Variants in ROBO2 observed in about 807,000 individuals in gnomAD.
ROBO2 encodes roundabout homolog 2.
Under a neutral mutation model 160.8 loss-of-function variants are expected in ROBO2, and 53 were observed. The ratio of observed to expected loss-of-function variants is 0.33; its 90% CI spans 0.26 to 0.41. The LOEUF is 0.41. Ranked by LOEUF, ROBO2 falls within the 10% of genes least tolerant of loss-of-function variation. The pLI is 1.00. For synonymous variants in ROBO2, 664 were observed against 611.7 expected (o/e 1.09, Z -1.26); for missense variants, 1,577 against 1,722.4 (o/e 0.92, Z 1.49).
rs2059417510 is a variant in ROBO2, at chr3:76,968,486, TAGTTA to T, written c.110-129522_110-129518del. 3.9e-5 allele frequency among the ~76,000 whole-genome samples: 6 copies of T among 152,132 alleles called. No individual in the cohort carries two copies. The South Asian group carries it at 1.0e-3, about 26-fold the overall frequency. On this transcript the variant is annotated intron_variant, in intron 2 of 26. Coordinates refer to the ROBO2 transcript ENST00000487694. ...ATTAATATAACATGCATATAATCAA[TAGTTA>T]AGTTATTGTTTATCTTATTTTGTAA...
chr3:76,046,916 G>A (rs944248469), intron 2 of ROBO2, among the ~76,000 whole-genome samples: 8 of 152,036 alleles, frequency 5.3e-5, no homozygotes, highest in African/African-American at 1.4e-4. Context: ...TGCATGATTC[G>A]TCAAAGTATC....
intron 2 of ROBO2, among the ~76,000 whole-genome samples, chr3:76,776,855 T>A (rs1046649708): frequency 5.3e-5 from 8 of 151,032 alleles, no homozygotes; most frequent in African/African-American, 1.9e-4. Flanking sequence ...ATCATAAAAT[T>A]ATAATATGAA....
chr3:77,386,603 A>ATTTTTTTTGTTTTTTTTTTTTTT (rs2074126947), intron 2 of ROBO2, among the ~76,000 whole-genome samples: 1 of 91,896 alleles, frequency 1.1e-5, no homozygotes, highest in Non-Finnish European at 2.1e-5. Context: ...CAGCCAGGTA[A>ATTTTTTTTGTTTTTTTTTTTTTT]TTTTTTTTTT....
At chr3:77,248,970 C>G (rs867372453) in intron 2 of ROBO2, among the ~76,000 whole-genome samples, 1 of 152,042 alleles carries the variant, frequency 6.6e-6, no homozygotes, top group African/African-American at 2.4e-5. Context: ...CTCCACCGCC[C>G]GGGTTCAAGC....
chr3:75,948,780 CT>C (rs1367409437), intron 2 of ROBO2, among the ~76,000 whole-genome samples: 7 of 152,096 alleles, frequency 4.6e-5, no homozygotes, highest in African/African-American at 1.7e-4. Flanking sequence ...TATTTTATAT[CT>C]TATAATTTGA....
chr3:77,272,033 CAT>C (rs1250555798), intron 2 of ROBO2, among the ~76,000 whole-genome samples: 2 of 152,166 alleles, frequency 1.3e-5, no homozygotes, highest in Non-Finnish European at 2.9e-5. Flanking sequence ...ACACTGCAAA[CAT>C]AGCACAGGTG....
At chr3:76,322,203 TAA>T (rs2072614880) in intron 2 of ROBO2, among the ~76,000 whole-genome samples, 2 of 116,100 alleles carry the variant, frequency 1.7e-5, no homozygotes, top group South Asian at 5.2e-4. Flanking sequence ...TATATATATA[TAA>T]TATACACACA....
intron 2 of ROBO2, among the ~76,000 whole-genome samples, chr3:77,159,184 C>CA (rs1276625864): frequency 6.6e-6 from 1 of 152,134 alleles, no homozygotes; most frequent in Non-Finnish European, 1.5e-5. Flanking sequence ...CTCCTATTCT[C>CA]ATTAGGGTCC....
chr3:76,812,909 ATTT>A (rs71104626), intron 2 of ROBO2, among the ~76,000 whole-genome samples: 7 of 104,656 alleles, frequency 6.7e-5, no homozygotes, highest in African/African-American at 2.2e-4. Flanking sequence ...AGAAGTATAA[ATTT>A]TTTTTTTTTT....
At chr3:76,782,351 G>A (rs2062701288) in intron 2 of ROBO2, among the ~76,000 whole-genome samples, 1 of 150,628 alleles carries the variant, frequency 6.6e-6, no homozygotes, top group African/African-American at 2.4e-5. Flanking sequence ...TGTGATTAAT[G>A]TGTTTCCTAC....
At chr3:76,882,153 G>A (rs1163538513) in intron 2 of ROBO2, among the ~76,000 whole-genome samples, 1 of 151,612 alleles carries the variant, frequency 6.6e-6, no homozygotes, top group Admixed American at 6.6e-5. Flanking sequence ...GGTTGGGGGG[G>A]TGTGTGTGCG....
intron 2 of ROBO2, among the ~76,000 whole-genome samples, chr3:77,464,220 C>A (rs1582168602): frequency 6.6e-6 from 1 of 152,250 alleles, no homozygotes; most frequent in African/African-American, 2.4e-5. Context: ...AGTAGCAGAA[C>A]AGAGACAACC....
chr3:77,244,398 T>G (rs898370882), intron 2 of ROBO2, among the ~76,000 whole-genome samples: 2 of 152,150 alleles, frequency 1.3e-5, no homozygotes, highest in African/African-American at 4.8e-5. Flanking sequence ...TTCAGTAGTT[T>G]AAGAGACAAA....
intron 2 of ROBO2, among the ~76,000 whole-genome samples, chr3:77,102,919 A>G (rs1043381538): frequency 7.9e-5 from 12 of 151,940 alleles, no homozygotes; most frequent in Admixed American, 2.0e-4. Context: ...AATAATCTCT[A>G]GGCAAAAAAT....
intron 2 of ROBO2, among the ~76,000 whole-genome samples, chr3:76,696,640 A>G (rs2107349565): frequency 6.6e-6 from 1 of 152,318 alleles, no homozygotes; most frequent in East Asian, 1.9e-4. Flanking sequence ...TATCTCTACT[A>G]TGATACGAAG....
intron 21 of ROBO2, among the ~76,000 whole-genome samples, chr3:77,608,164 G>A (rs564914075): frequency 1.3e-5 from 2 of 151,880 alleles, no homozygotes; most frequent in African/African-American, 4.8e-5. Flanking sequence ...AGAATCCTTG[G>A]CCTTCAAGTG....
At chr3:76,399,206 G>T (rs2077668222) in intron 2 of ROBO2, among the ~76,000 whole-genome samples, 1 of 151,698 alleles carries the variant, frequency 6.6e-6, no homozygotes, top group South Asian at 2.1e-4. Flanking sequence ...AAGATACAGA[G>T]CTGTAACTTG....
intron 23 of ROBO2, 195 bp from the exon 25 acceptor site, chr3:77,634,675 A>T: frequency 6.6e-6 from 4 of 606,004 alleles, no homozygotes; most frequent in Non-Finnish European, 1.2e-5. Context: ...TTGTTAGCTT[A>T]TTAAAAATTG....
At chr3:76,327,835 C>T (rs1339324847) in intron 2 of ROBO2, among the ~76,000 whole-genome samples, 3 of 151,312 alleles carry the variant, frequency 2.0e-5, no homozygotes, top group Non-Finnish European at 2.9e-5. Context: ...AACATATAGA[C>T]AACGGTGAAT....
Sources: gnomAD v4.1 joint callset for allele counts (sites outside exome capture counted in the v4.1 genomes callset) on GRCh38, gnomAD v4.1.1 for gene constraint, MANE v1.5 for transcripts, NCBI Gene and HGNC (gene_info 2026-07-23, HGNC 2026-07-21) for gene names.